Variants in APOL2 observed in about 807,000 individuals in gnomAD.
APOL2 encodes the protein apolipoprotein L, 2.
A neutral mutation model predicts 7.1 loss-of-function variants in APOL2; 8 were observed. That is an observed-to-expected ratio of 1.12 (90% CI 0.66 to 2.03). The LOEUF (loss-of-function observed/expected upper bound fraction) is 2.03, where lower values mean the gene tolerates loss of function less well. Ranked by LOEUF, APOL2 falls within the 30% of genes most tolerant of loss-of-function variation. The probability of loss-of-function intolerance (pLI) is 0.00; values close to 1 mark genes in which losing one functional copy is unlikely to be tolerated. For missense variants in APOL2, 471 were observed against 415.1 expected (o/e 1.13, Z -1.17); for synonymous variants, 177 against 159.9 (o/e 1.11, Z -0.81).
rs368403887 is a variant in APOL2 at position 36,227,796 on chromosome 22, T to G, written c.622A>C (p.Thr208Pro). 54 of 1,614,082 alleles carry G rather than the reference T, an allele frequency of 3.3e-5. No individual in the cohort carries two copies. The African/African-American group carries it at 5.5e-4, about 16-fold the overall frequency. ...ACTTGGTACCAATTGTCAACTAAGG[T>G]AAGAACATTGGGTGTGTTCCCACCC... is the stretch of plus-strand genomic sequence containing the variant. ...FVGGNTPNVLTLVDNWYQVTQ... is the reference protein window; with the variant it reads ...FVGGNTPNVLPLVDNWYQVTQ... Residue 208 changes from threonine to proline, a missense_variant, in exon 5 of 5, where the codon ACC (threonine) becomes CCC (proline). By Grantham distance (38) the Thr-to-Pro change is conservative (BLOSUM62 -1). Coordinates refer to ENST00000358502, the MANE Select transcript of APOL2 (RefSeq NM_030882.4).
Position 36,228,260 on chromosome 22 carries a change from CG to C in APOL2, c.157del (p.Arg53ValfsTer4). 6.2e-7 allele frequency: 1 copy of C among 1,613,844 alleles called. No homozygotes were observed. Among genetic ancestry groups the C allele is most frequent in the Middle Eastern group, 1.7e-4 (1 of 6,054 alleles). On this transcript the variant is annotated frameshift_variant, in exon 5 of 5. Coordinates refer to ENST00000358502, the MANE Select transcript of APOL2 (RefSeq NM_030882.4). LOFTEE classifies it low-confidence loss of function (END_TRUNC). ...ACTTGCAAGCTTGTTCAGAGCTTTA[CG>C]GAGCTCATCTGCCTCATCCCTGCAC... The part of the protein sequence containing the change: ...ELPRDEADEL[R>X]KALNKLASHM...
chr22:36,239,264 G>A (rs567317669), intron 1 of APOL2, 177 bp downstream of exon 1: 460 of 1,377,200 alleles, frequency 3.3e-4, no homozygotes, highest in Admixed American at 6.3e-4. Context: ...GCAGGAGGGA[G>A]GGAGCAATCA....
At position 36,227,675 on chromosome 22, in the gene APOL2, C is replaced by T. The variant is rs776479216; in HGVS notation, c.743G>A (p.Arg248Gln). 35 of 1,614,246 alleles carry T rather than the reference C, an allele frequency of 2.2e-5. No individual in the cohort carries two copies. The East Asian group carries it at 5.8e-4, about 27-fold the overall frequency. ...AYAPPPHVIG[R>Q]ISAEGGEQVE... is the part of the protein sequence containing the mutation. ...CTGTTCACCGCCTTCAGCTGAGATTCGCCCAATGACATGCGGGGGTGGGGC... is the reference window on the plus strand; with the variant it reads ...CTGTTCACCGCCTTCAGCTGAGATTTGCCCAATGACATGCGGGGGTGGGGC... Residue 248 changes from arginine (R) to glutamine (Q), a missense_variant, in exon 5 of 5, where the codon CGA becomes CAA. Physicochemically the swap from Arg to Gln is conservative, Grantham distance 43. Transcript: ENST00000358502.
chr22:36,239,160 T>G (rs551693531), intron 1 of APOL2: 15 of 1,230,080 alleles, frequency 1.2e-5, no homozygotes, highest in Non-Finnish European at 1.5e-5. Context: ...CAGCTGGCCG[T>G]GTCTGAGGGT....
At chr22:36,237,165 G>A (rs758229810) in intron 1 of APOL2, 26 of 1,511,560 alleles carry the variant, frequency 1.7e-5, no homozygotes, top group Non-Finnish European at 2.3e-5. Flanking sequence ...GTTGAGGCTG[G>A]ATACTGCCCC....
chr22:36,228,667 T>C (rs2015110985), intron 4 of APOL2, among the ~76,000 whole-genome samples: 1 of 152,178 alleles, frequency 6.6e-6, no homozygotes, highest in Non-Finnish European at 1.5e-5. Context: ...GGCAGGAAAG[T>C]GAAGCATGAA....
chr22:36,239,296 C>T (rs762998046), intron 1 of APOL2, 145 bp downstream of exon 1: 47 of 1,358,834 alleles, frequency 3.5e-5, no homozygotes, highest in Non-Finnish European at 4.4e-5. Context: ...GGGTGCAAAT[C>T]CCGGCTCTGC....
chr22:36,227,314 TCAAAAAA>T lies in APOL2; in HGVS notation c.*83_*89del, dbSNP rs1447316349. The T allele has an allele frequency of 8.0e-6, 8 of 1,004,172 alleles. No individual in the cohort carries two copies. In the African/African-American group the frequency reaches 2.4e-4, roughly 31 times the overall value. 62.2% of individuals were successfully genotyped at this position (1,004,172 alleles called of 1,614,324 possible). A position where few individuals can be genotyped will look rare whatever the true frequency, so the allele number is the denominator to read the frequency against. On this transcript the variant is annotated 3_prime_UTR_variant, in exon 5 of 5. Transcript: ENST00000358502. ...CTGGGCGATAGAGCGAGACTCCATC[TCAAAAAA>T]AAAAAAAAAAAAAAAAAAAAGTCTG...
intron 1 of APOL2, among the ~76,000 whole-genome samples, chr22:36,238,435 G>C (rs1263054963): frequency 1.3e-5 from 2 of 152,142 alleles, no homozygotes; most frequent in Non-Finnish European, 1.5e-5. Flanking sequence ...TTTTAGAGGG[G>C]AAAAATCTTA....
intron 1 of APOL2, chr22:36,236,505 T>G: frequency 1.1e-6 from 1 of 944,082 alleles, no homozygotes; most frequent in Non-Finnish European, 1.3e-6. Flanking sequence ...TGAAAATGAC[T>G]AATAATGACA....
At chr22:36,239,709 C>T (rs1019536869), upstream of APOL2, 32 of 577,894 alleles carry the variant, frequency 5.5e-5, no homozygotes, top group Non-Finnish European at 8.4e-5. Flanking sequence ...ACCAGACATC[C>T]GGGTCCCTCT....
At position 36,239,469 on chromosome 22, in the gene APOL2, G is replaced by C; in HGVS notation, c.-162C>G. On this transcript the variant is annotated 5_prime_UTR_variant, in exon 1 of 5. Coordinates refer to ENST00000358502, the MANE Select transcript of APOL2 (RefSeq NM_030882.4). ...GGGATCTTCCTCTGACAGAGACTGA[G>C]CAAGATCCAACTGTTCTGAGCTGTG... 6.3e-7 allele frequency: 1 copy of C among 1,575,762 alleles called. No homozygotes were observed. The highest frequency in any genetic ancestry group is 8.6e-7 in the Non-Finnish European group (1 of 1,167,516).
rs371749974 is a variant in APOL2 at position 36,227,873 on chromosome 22, C to A, written c.545G>T (p.Arg182Leu). 1.1e-5 allele frequency: 17 copies of A among 1,614,206 alleles called. No homozygotes were observed. Among genetic ancestry groups the A allele is most frequent in the South Asian group, 5.5e-5 (5 of 91,080 alleles). ...VNKLRARAQA[R>L]NLDQSGTNVA... ...ATTGGTGCCGCTTTGGTCCAAGTTG[C>A]GGGCTTGGGCTCGTGCCCGCAATTT... Residue 182 changes from arginine (R) to leucine (L), a missense_variant, in exon 5 of 5, where the codon CGC (arginine) becomes CTC (leucine). Arg to Leu is a moderately radical substitution (Grantham distance 102, BLOSUM62 -2). Coordinates refer to ENST00000358502, the MANE Select transcript of APOL2 (RefSeq NM_030882.4).
chr22:36,226,665 G>GGA lies in APOL2; in HGVS notation c.*738_*739insTC, dbSNP rs386395338. The stretch of plus-strand genomic sequence containing the variant: ...ATTCTTGGAAGGACATCAAACCTGG[G>GGA]GGGGGGTCGGTAGTGGAGCTGCTGT... On this transcript the variant is annotated 3_prime_UTR_variant, in exon 5 of 5. Transcript: ENST00000358502. The GGA allele has an allele frequency of 6.5e-6, 1 of 153,452 alleles. No individual in the cohort carries two copies. The highest frequency in any genetic ancestry group is 2.1e-4 in the South Asian group (1 of 4,818). The allele number at this position is 153,452 out of a possible 1,614,324, so 9.5% of individuals were successfully genotyped here. A position where few individuals can be genotyped will look rare whatever the true frequency, so the allele number is the denominator to read the frequency against.
At position 36,231,516 on chromosome 22, in the gene APOL2, T is replaced by A. The variant is rs755372890; in HGVS notation, c.11-50A>T. On this transcript the variant is annotated intron_variant, in intron 3 of 4. Transcript: ENST00000358502. ...GGTTGGAGGATAGTGTAGGGGAGCA[T>A]AACAGCCATTGCACATTAGGTGGTT... The A allele has an allele frequency of 4.4e-6, 7 of 1,590,418 alleles. No individual in the cohort carries two copies. The African/African-American group carries it at 8.1e-5, about 18-fold the overall frequency.
At chr22:36,236,245 C>T (rs112044075) in intron 1 of APOL2, among the ~76,000 whole-genome samples, 2,544 of 152,164 alleles carry the variant, frequency 0.017, 55 homozygotes, top group African/African-American at 0.059. Flanking sequence ...TACTTGTTAC[C>T]GATTAGTACA....
chr22:36,236,907 A>AG lies in APOL2; in HGVS notation c.-134+2533dup, dbSNP rs935498150. ...TTGCTGTAAGGGACGGGGTGACGGG[A>AG]GGGGGTCTTCCCTTCCCCTTCTTCC... is the stretch of plus-strand genomic sequence containing the variant. On this transcript the variant is annotated intron_variant, in intron 1 of 4. Transcript: ENST00000358502. The AG allele has an allele frequency of 6.2e-6, 8 of 1,300,188 alleles. No homozygotes were observed. The African/African-American group carries it at 1.1e-4, about 17-fold the overall frequency. The allele number at this position is 1,300,188 out of a possible 1,614,324, so 80.5% of individuals were successfully genotyped here. A position where few individuals can be genotyped will look rare whatever the true frequency, so the allele number is the denominator to read the frequency against.
chr22:36,239,776 CAT>C, upstream of APOL2: 1 of 483,194 alleles, frequency 2.1e-6, no homozygotes, highest in Non-Finnish European at 3.7e-6. Context: ...GTCAGCTGCC[CAT>C]GTCTCAGGCA....
intron 1 of APOL2, among the ~76,000 whole-genome samples, chr22:36,233,924 T>C (rs1030191539): frequency 6.6e-6 from 1 of 152,198 alleles, no homozygotes; most frequent in African/African-American, 2.4e-5. Context: ...GTGAACTCAC[T>C]GGTGCTGCAG....
Sources: allele counts gnomAD v4.1 joint callset (sites outside exome capture counted in the v4.1 genomes callset), GRCh38; gene constraint gnomAD v4.1.1; transcripts MANE v1.5; gene names NCBI Gene and HGNC (gene_info 2026-07-23, HGNC 2026-07-21).